The following LRFN5 variants were observed in gnomAD, a reference collection of about 807,000 sequenced individuals.
LRFN5 encodes the protein leucine rich repeat and fibronectin type III domain containing 5, also known as leucine-rich repeat and fibronectin type-III domain-containing protein 5.
In LRFN5, 24 loss-of-function variants were observed where a neutral mutation model predicts 45.6. The observed-to-expected ratio is 0.53, with a 90% CI of 0.38 to 0.74. The LOEUF (loss-of-function observed/expected upper bound fraction) is 0.74, where lower values mean the gene tolerates loss of function less well. Ranked by LOEUF, LRFN5 falls within the 30% of genes least tolerant of loss-of-function variation. The pLI is 0.00. For synonymous variants in LRFN5, 340 were observed against 313.8 expected (o/e 1.08, Z -0.88); for missense variants, 776 against 861.5 (o/e 0.90, Z 1.24).
chr14:41,877,192 T>C (rs897103517), intron 2 of LRFN5, among the ~76,000 whole-genome samples: 3 of 152,226 alleles, frequency 2.0e-5, no homozygotes, highest in Non-Finnish European at 4.4e-5. Flanking sequence ...AATTCAGTTT[T>C]ATCATATACA....
intron 1 of LRFN5, among the ~76,000 whole-genome samples, chr14:41,690,711 C>A (rs1050854429): frequency 6.6e-6 from 1 of 152,000 alleles, no homozygotes; most frequent in Non-Finnish European, 1.5e-5. Context: ...AATAGTTTCC[C>A]TACAAATCAG....
chr14:41,785,421 T>TTA (rs1232737791), intron 2 of LRFN5, among the ~76,000 whole-genome samples: 2 of 152,142 alleles, frequency 1.3e-5, no homozygotes, highest in African/African-American at 4.8e-5. Flanking sequence ...GATTATATAC[T>TTA]TATACTTCTT....
At chr14:41,863,185 C>A (rs1184616104) in intron 2 of LRFN5, among the ~76,000 whole-genome samples, 3 of 152,144 alleles carry the variant, frequency 2.0e-5, no homozygotes, top group Non-Finnish European at 4.4e-5. Flanking sequence ...CTTAATCAGT[C>A]TTACTAGTGG....
chr14:41,757,473 A>G (rs944656410), intron 1 of LRFN5, among the ~76,000 whole-genome samples: 2 of 152,114 alleles, frequency 1.3e-5, no homozygotes, highest in African/African-American at 4.8e-5. Flanking sequence ...CCCCTCCCCC[A>G]GCCTCGCTGC....
intron 1 of LRFN5, among the ~76,000 whole-genome samples, chr14:41,744,344 T>A (rs918865827): frequency 6.6e-6 from 1 of 151,840 alleles, no homozygotes; most frequent in Non-Finnish European, 1.5e-5. Context: ...GGTGACCGAA[T>A]GAGGCCCTGT....
At chr14:41,761,290 G>A (rs1375443065) in intron 1 of LRFN5, among the ~76,000 whole-genome samples, 4 of 149,252 alleles carry the variant, frequency 2.7e-5, no homozygotes, top group Non-Finnish European at 3.0e-5. Flanking sequence ...GAGGAAGGAA[G>A]GAAAGGAGAG....
At chr14:41,720,913 G>A (rs1426789414) in intron 1 of LRFN5, among the ~76,000 whole-genome samples, 2 of 151,984 alleles carry the variant, frequency 1.3e-5, no homozygotes, top group African/African-American at 4.8e-5. Flanking sequence ...GGTCAGTGTT[G>A]TATTCAAGTC....
Position 41,845,079 on chromosome 14 carries a change from A to G in LRFN5, c.-20-41527A>G, listed in dbSNP as rs1359097443. ...TAAGAAAATTAAAATGAACGTGCAC[A>G]ATTTTATCTAACACTAGGCTCACTG... is the stretch of plus-strand genomic sequence containing the variant. On this transcript the variant is annotated intron_variant, in intron 2 of 5. Coordinates refer to ENST00000298119, the MANE Select transcript of LRFN5 (RefSeq NM_152447.5). Among the ~76,000 whole-genome samples, 3 of 152,116 alleles carry G rather than the reference A, an allele frequency of 2.0e-5. No individual in the cohort carries two copies. The East Asian group carries it at 5.8e-4, about 29-fold the overall frequency.
chr14:41,887,789 T>A lies in LRFN5; in HGVS notation c.1164T>A (p.His388Gln). The A allele has an allele frequency of 6.2e-7, 1 of 1,614,006 alleles. No individual in the cohort carries two copies. Among genetic ancestry groups the A allele is most frequent in the South Asian group, 1.1e-5 (1 of 91,080 alleles). The change falls in exon 3 of 6, where the codon CAT (histidine) becomes CAA (glutamine). Residue 388 changes from histidine (H) to glutamine (Q), a missense_variant. Around this residue, in one of 2 missense-constraint regions of LRFN5, gnomAD observed 465 missense variants for 456.4 expected, o/e 1.02. Transcript: ENST00000298119. This position sits in a 1 kb window ranked among gnomAD's most constrained non-coding sequence, Gnocchi z 4.8. The part of the protein sequence containing the change: ...PHLLNSTNHI[H>Q]EPDPGSSDIS... Reference sequence around the variant, plus strand: ...TACTAAATAGTACAAACCATATCCATGAGCCTGATCCTGGTTCTTCAGATA... The same window carrying A: ...TACTAAATAGTACAAACCATATCCAAGAGCCTGATCCTGGTTCTTCAGATA...
chr14:41,771,879 A>G (rs1026970860), intron 2 of LRFN5, among the ~76,000 whole-genome samples: 7 of 152,180 alleles, frequency 4.6e-5, no homozygotes, highest in Non-Finnish European at 8.8e-5. Context: ...CTTTATAGCA[A>G]TGCCCCACTG....
At chr14:41,739,077 A>T (rs1347064509) in intron 1 of LRFN5, among the ~76,000 whole-genome samples, 1 of 152,190 alleles carries the variant, frequency 6.6e-6, no homozygotes, top group East Asian at 1.9e-4. Context: ...CTAAAATGGC[A>T]GGAAACTAGA....
intron 1 of LRFN5, among the ~76,000 whole-genome samples, chr14:41,704,448 C>CTCTGTGTGTGTGTG (rs200253065): frequency 8.0e-6 from 1 of 124,240 alleles, no homozygotes; most frequent in African/African-American, 3.9e-5. Context: ...CTCTCTCTCT[C>CTCTGTGTGTGTGTG]TGTGTGTGTG....
chr14:41,776,585 T>TA (rs1381018219), intron 2 of LRFN5, among the ~76,000 whole-genome samples: 1 of 152,168 alleles, frequency 6.6e-6, no homozygotes, highest in Non-Finnish European at 1.5e-5. Context: ...GTCTTTAATT[T>TA]AAAGGGACTG....
intron 1 of LRFN5, chr14:41,700,375 A>G (rs999229857): frequency 2.0e-5 from 3 of 152,144 alleles, no homozygotes; most frequent in Non-Finnish European, 2.9e-5. Context: ...GGGCAAAAAA[A>G]TATCTGAAAC....
At chr14:41,873,342 A>G (rs1890081096) in intron 2 of LRFN5, among the ~76,000 whole-genome samples, 1 of 151,980 alleles carries the variant, frequency 6.6e-6, no homozygotes, top group Non-Finnish European at 1.5e-5. Context: ...ATACAATAAA[A>G]TGTACTAAAT....
intron 1 of LRFN5, among the ~76,000 whole-genome samples, chr14:41,713,698 T>C (rs1276492242): frequency 3.9e-5 from 6 of 152,124 alleles, no homozygotes; most frequent in African/African-American, 1.4e-4. Flanking sequence ...ATATACCATA[T>C]TGGCAAACTG....
At chr14:41,858,122 C>G (rs924606803) in intron 2 of LRFN5, among the ~76,000 whole-genome samples, 1 of 152,036 alleles carries the variant, frequency 6.6e-6, no homozygotes, top group South Asian at 2.1e-4. Context: ...ACGTATGGAG[C>G]CAGCTGTAGG....
At position 41,891,918 on chromosome 14, in the gene LRFN5, C is replaced by G. The variant is rs1594502446; in HGVS notation, c.2054C>G (p.Ser685Cys). 3 of 1,614,122 alleles carry G rather than the reference C, an allele frequency of 1.9e-6. No individual in the cohort carries two copies. The highest frequency in any genetic ancestry group is 3.3e-4 in the Middle Eastern group (2 of 6,060). Reference protein sequence around the residue: ...ALQLASRPPDSVTEGPTSKRA... With the variant: ...ALQLASRPPDCVTEGPTSKRA... ...CAGTTAGCTAGCCGTCCTCCCGATT[C>G]TGTCACAGAGGGGCCCACGTCTAAA... is the stretch of plus-strand genomic sequence containing the variant. The change falls in exon 4 of 6, where the codon TCT (serine) becomes TGT (cysteine). Residue 685 changes from serine (S) to cysteine (C), a missense_variant. This residue lies in a region of LRFN5 where 465 missense variants were observed against 456.4 expected (regional missense o/e 1.02). Coordinates refer to ENST00000298119, the MANE Select transcript of LRFN5 (RefSeq NM_152447.5).
chr14:41,781,210 T>C (rs549374493), intron 2 of LRFN5, among the ~76,000 whole-genome samples: 1 of 152,238 alleles, frequency 6.6e-6, no homozygotes, highest in African/African-American at 2.4e-5. Context: ...GCAGGGCATG[T>C]GTGCTTGTGA....
Sources: allele counts gnomAD v4.1 joint callset (sites outside exome capture counted in the v4.1 genomes callset), GRCh38; gene constraint gnomAD v4.1.1; regional missense constraint gnomAD v4.1.1; non-coding constraint Gnocchi (gnomAD v3.1); transcripts MANE v1.5; gene names NCBI Gene and HGNC (gene_info 2026-07-23, HGNC 2026-07-21).